DGKI: variants seen among roughly 807,000 people sequenced by gnomAD.
DGKI encodes the protein DAG kinase iota.
Under a neutral mutation model 147.5 loss-of-function variants are expected in DGKI, and 55 were observed. The observed-to-expected ratio is 0.37, with a 90% CI of 0.30 to 0.47. The LOEUF (loss-of-function observed/expected upper bound fraction) is 0.47, where lower values mean the gene tolerates loss of function less well. Ranked by LOEUF, DGKI falls within the 20% of genes least tolerant of loss-of-function variation. The pLI is 1.00. For missense variants in DGKI, 1,007 were observed against 1,323.8 expected (o/e 0.76, Z 3.71); for synonymous variants, 469 against 477.1 (o/e 0.98, Z 0.22).
chr7:137,402,679 C>T (rs919073880), intron 30 of DGKI, among the ~76,000 whole-genome samples: 1 of 152,162 alleles, frequency 6.6e-6, no homozygotes, highest in African/African-American at 2.4e-5. Context: ...CTCTCTGGGC[C>T]CTCATTTCCC....
intron 3 of DGKI, among the ~76,000 whole-genome samples, chr7:137,676,385 T>C (rs1823038764): frequency 1.3e-5 from 2 of 152,186 alleles, no homozygotes; most frequent in Non-Finnish European, 2.9e-5. Flanking sequence ...CCTGGGTTTT[T>C]TCTTTTTTTT....
chr7:137,759,404 C>T (rs1041995327), intron 1 of DGKI, among the ~76,000 whole-genome samples: 1 of 151,688 alleles, frequency 6.6e-6, no homozygotes, highest in Non-Finnish European at 1.5e-5. Flanking sequence ...TGCGATGGCG[C>T]GATCTCAGCT....
intron 1 of DGKI, among the ~76,000 whole-genome samples, chr7:137,740,471 G>C (rs1355324350): frequency 1.3e-5 from 2 of 152,268 alleles, no homozygotes; most frequent in East Asian, 3.9e-4. Flanking sequence ...AGCAATGGCA[G>C]GTGTATGGTG....
chr7:137,544,624 A>G (rs990623667), intron 20 of DGKI, among the ~76,000 whole-genome samples: 3 of 152,350 alleles, frequency 2.0e-5, no homozygotes, highest in Non-Finnish European at 4.4e-5. Flanking sequence ...TTGCTTTGTC[A>G]TACATATCAC....
chr7:137,478,403 G>A (rs924084913), intron 23 of DGKI, among the ~76,000 whole-genome samples: 25 of 152,234 alleles, frequency 1.6e-4, no homozygotes, highest in East Asian at 5.8e-4. Context: ...CCTGCATCAC[G>A]TCTATCTATA....
At chr7:137,472,794 A>C (rs923925217) in intron 23 of DGKI, among the ~76,000 whole-genome samples, 53 of 152,186 alleles carry the variant, frequency 3.5e-4, no homozygotes, top group African/African-American at 1.3e-3. Context: ...TAAAGAGATT[A>C]AACAGAAACA....
At chr7:137,517,307 GAA>G (rs1435239101) in intron 21 of DGKI, among the ~76,000 whole-genome samples, 1 of 98,708 alleles carries the variant, frequency 1.0e-5, no homozygotes, top group African/African-American at 4.2e-5. Context: ...AAGAAAGAAA[GAA>G]AGAAAGAAAG....
At chr7:137,465,092 A>C (rs908568749) in intron 26 of DGKI, among the ~76,000 whole-genome samples, 2 of 152,202 alleles carry the variant, frequency 1.3e-5, no homozygotes, top group Non-Finnish European at 2.9e-5. Flanking sequence ...GTGGTAGTTA[A>C]ATGCATGGGC....
chr7:137,459,856 CCCTCT>C (rs1194250168), intron 27 of DGKI, among the ~76,000 whole-genome samples: 1 of 152,022 alleles, frequency 6.6e-6, no homozygotes, highest in South Asian at 2.1e-4. Flanking sequence ...CATTTTTCTC[CCCTCT>C]CATTTCTTTA....
intron 19 of DGKI, among the ~76,000 whole-genome samples, chr7:137,558,034 C>G (rs1563084216): frequency 6.6e-6 from 1 of 152,182 alleles, no homozygotes; most frequent in Admixed American, 6.5e-5. Flanking sequence ...TAACTAGCCT[C>G]CTGTACTAAA....
intron 19 of DGKI, among the ~76,000 whole-genome samples, chr7:137,561,715 AT>A (rs1244912480): frequency 6.6e-6 from 1 of 151,776 alleles, no homozygotes; most frequent in Non-Finnish European, 1.5e-5. Context: ...TAAAATTTTG[AT>A]TTTTAAAAAA....
chr7:137,444,311 A>G (rs1813627571), intron 27 of DGKI, among the ~76,000 whole-genome samples: 1 of 152,208 alleles, frequency 6.6e-6, no homozygotes, highest in East Asian at 1.9e-4. Context: ...GGTTACTAAA[A>G]TATCAGTCTA....
chr7:137,595,433 T>C (rs1008005993), intron 12 of DGKI, among the ~76,000 whole-genome samples: 1 of 152,240 alleles, frequency 6.6e-6, no homozygotes, highest in Admixed American at 6.5e-5. Context: ...CTTAAAAATG[T>C]AACTACTGCC....
At chr7:137,474,736 T>G (rs1478038298) in intron 23 of DGKI, among the ~76,000 whole-genome samples, 2 of 152,020 alleles carry the variant, frequency 1.3e-5, no homozygotes, top group African/African-American at 4.8e-5. Flanking sequence ...ATGAATGAGA[T>G]GGAAAAACAA....
At chr7:137,485,552 C>G in intron 22 of DGKI, 134 bp from the exon 23 acceptor site, 1 of 680,366 alleles carries the variant, frequency 1.5e-6, no homozygotes, top group Non-Finnish European at 2.5e-6. Flanking sequence ...CACCCAAATT[C>G]ATAAAGGTTA....
At chr7:137,657,253 G>A (rs951465704) in intron 3 of DGKI, among the ~76,000 whole-genome samples, 2 of 152,152 alleles carry the variant, frequency 1.3e-5, no homozygotes, top group Non-Finnish European at 2.9e-5. Context: ...CTATGAAACA[G>A]GCCCTATTCT....
At chr7:137,442,099 T>A (rs1261628262) in intron 28 of DGKI, among the ~76,000 whole-genome samples, 1 of 152,172 alleles carries the variant, frequency 6.6e-6, no homozygotes, top group Middle Eastern at 3.2e-3. Flanking sequence ...TAATTTTGCA[T>A]TATGTACTTG....
chr7:137,600,968 G>A (rs184453439), intron 10 of DGKI, among the ~76,000 whole-genome samples: 6 of 152,232 alleles, frequency 3.9e-5, no homozygotes, highest in Non-Finnish European at 7.4e-5. Context: ...ATTGGATTGA[G>A]CAAACAAGAA....
intron 1 of DGKI, among the ~76,000 whole-genome samples, chr7:137,729,343 G>A (rs1187108282): frequency 1.3e-5 from 2 of 152,060 alleles, no homozygotes; most frequent in Non-Finnish European, 2.9e-5. Flanking sequence ...CAGCAGCTGG[G>A]AAACCATCCC....
Sources: allele counts gnomAD v4.1 joint callset (sites outside exome capture counted in the v4.1 genomes callset), GRCh38; gene constraint gnomAD v4.1.1; transcripts MANE v1.5; gene names NCBI Gene and HGNC (gene_info 2026-07-23, HGNC 2026-07-21).